Variants in PSEN2 observed in about 807,000 individuals in gnomAD.
PSEN2 encodes presenilin 2.
A neutral mutation model predicts 49.1 loss-of-function variants in PSEN2; 32 were observed. The observed-to-expected ratio is 0.65, with a 90% confidence interval of 0.49 to 0.88. The LOEUF (loss-of-function observed/expected upper bound fraction) is 0.88. PSEN2 is among the 40% of genes least tolerant of loss of function. PSEN2 has a pLI of 0.00. For missense variants in PSEN2, 522 were observed against 586.9 expected (o/e 0.89, Z 1.14); for synonymous variants, 255 against 244.0 (o/e 1.05, Z -0.42).
intron 9 of PSEN2, 90 bp downstream of exon 9, chr1:226,890,223 G>C: frequency 1.8e-6 from 2 of 1,117,790 alleles, no homozygotes; most frequent in Non-Finnish European, 2.7e-6. Flanking sequence ...GTGGCTTTCA[G>C]AGTTGACTGG....
chr1:226,901,516 G>A (rs112710884), downstream of PSEN2, among the ~76,000 whole-genome samples: 1,664 of 151,640 alleles, frequency 0.011, 27 homozygotes, highest in African/African-American at 0.038. Flanking sequence ...GAGCCCAGGA[G>A]TTTAAGACCA....
chr1:226,889,235 C>A (rs566913583), intron 8 of PSEN2, among the ~76,000 whole-genome samples, 186 bp downstream of exon 8: 2 of 152,080 alleles, frequency 1.3e-5, no homozygotes, highest in South Asian at 4.2e-4. Context: ...CTGGAACACT[C>A]CTGGTGGTCT....
chr1:226,884,868 C>T (rs917607770), intron 5 of PSEN2, among the ~76,000 whole-genome samples: 2 of 152,192 alleles, frequency 1.3e-5, no homozygotes, highest in South Asian at 2.1e-4. Flanking sequence ...GCCATGATTG[C>T]GCCACTGCAC....
chr1:226,894,110 C>T lies in PSEN2; in HGVS notation c.1176C>T (p.Phe392=), dbSNP rs115652716. 9.3e-4 allele frequency: 1,508 copies of T among 1,613,984 alleles called. 10 individuals are homozygous for T. In the African/African-American group the frequency reaches 0.017, roughly 18 times the overall value. ...SGDWNTTLAC[F]VAILIGLCLT... is the part of the protein sequence containing the mutation. ...ACTGGAATACCACGCTGGCCTGCTTCGTGGCCATCCTCATTGTGAGTGGCT... is the reference window on the plus strand; with the variant it reads ...ACTGGAATACCACGCTGGCCTGCTTTGTGGCCATCCTCATTGTGAGTGGCT... Residue 392 remains phenylalanine (F), a synonymous_variant, in exon 12 of 13, where the codon TTC becomes TTT. Coordinates refer to ENST00000366783, the MANE Select transcript of PSEN2 (RefSeq NM_000447.3).
At chr1:226,892,058 C>T (rs556961523) in intron 11 of PSEN2, among the ~76,000 whole-genome samples, 5 of 152,302 alleles carry the variant, frequency 3.3e-5, no homozygotes, top group East Asian at 1.9e-4. Context: ...GTATGGGCCA[C>T]GTGCCCGTGC....
Position 226,882,001 on chromosome 1 carries a change from C to G in PSEN2, c.94C>G (p.Gln32Glu), listed in dbSNP as rs760011841. 2 of 1,613,970 alleles carry G rather than the reference C, an allele frequency of 1.2e-6. No homozygotes were observed. Among genetic ancestry groups the G allele is most frequent in the African/African-American group, 2.7e-5 (2 of 74,938 alleles). Residue 32 changes from glutamine (Q) to glutamate (E), a missense_variant, in exon 4 of 13, where the codon CAG (glutamine) becomes GAG (glutamate). Physicochemically the swap from Gln to Glu is conservative, Grantham distance 29. Transcript: ENST00000366783. ...TGAGAGCCCCACGCCGCGCTCCTGCCAGGAGGGCAGGCAGGGCCCAGAGGA... is the reference window on the plus strand; with the variant it reads ...TGAGAGCCCCACGCCGCGCTCCTGCGAGGAGGGCAGGCAGGGCCCAGAGGA... ...SAESPTPRSCQEGRQGPEDGE... is the reference protein window; with the variant it reads ...SAESPTPRSCEEGRQGPEDGE...
At chr1:226,892,534 C>A (rs938036810) in intron 11 of PSEN2, among the ~76,000 whole-genome samples, 2 of 152,210 alleles carry the variant, frequency 1.3e-5, no homozygotes, top group Admixed American at 1.3e-4. Flanking sequence ...ACTGTCGTAA[C>A]AGCCCCTGCC....
chr1:226,884,207 G>A (rs1484588984), intron 5 of PSEN2, among the ~76,000 whole-genome samples: 2 of 152,226 alleles, frequency 1.3e-5, no homozygotes, highest in Non-Finnish European at 2.9e-5. Context: ...GAAGGGCTTA[G>A]AAGAGTGTCT....
At chr1:226,899,542 G>T (rs16846644), downstream of PSEN2, 39,800 of 152,130 alleles carry the variant, frequency 0.26, 5,495 homozygotes, top group African/African-American at 0.34. Context: ...TTCCTGAGAT[G>T]CTAGAGGCAG....
chr1:226,873,759 A>G (rs1358899899), intron 2 of PSEN2, among the ~76,000 whole-genome samples: 1 of 152,172 alleles, frequency 6.6e-6, no homozygotes, highest in Non-Finnish European at 1.5e-5. Context: ...CACTGTTCAC[A>G]TATGCATATT....
At chr1:226,890,937 G>A (rs1199123627) in intron 9 of PSEN2, 7 of 334,252 alleles carry the variant, frequency 2.1e-5, no homozygotes, top group South Asian at 1.4e-4. Flanking sequence ...GGCGCATTCC[G>A]AGGATGAGCG....
chr1:226,882,879 GTCT>G (rs1192098415), intron 4 of PSEN2, among the ~76,000 whole-genome samples: 3 of 152,312 alleles, frequency 2.0e-5, no homozygotes, highest in South Asian at 4.1e-4. Flanking sequence ...TTCATGAGTA[GTCT>G]TCTTTCTTGG....
In PSEN2 at chr1:226,882,106, A is replaced by G. The variant is rs116171245; in HGVS notation, c.141+58A>G. 2,855 of 1,596,954 alleles carry G rather than the reference A, an allele frequency of 1.8e-3. 37 individuals are homozygous for G. In the African/African-American group the frequency reaches 0.033, roughly 18 times the overall value. On this transcript the variant is annotated intron_variant, in intron 4 of 12. Transcript: ENST00000366783. ...CAGGTCCCTGCGGCTACTGTACCTT[A>G]CAGATGAAAACCAGACATTCATTCC...
chr1:226,877,857 T>G (rs1287845609), intron 3 of PSEN2, among the ~76,000 whole-genome samples: 1 of 152,166 alleles, frequency 6.6e-6, no homozygotes, highest in Non-Finnish European at 1.5e-5. Context: ...TGTCAGGTCT[T>G]GATGAGACCG....
At chr1:226,900,349 T>C (rs1282897527), downstream of PSEN2, among the ~76,000 whole-genome samples, 2 of 152,124 alleles carry the variant, frequency 1.3e-5, no homozygotes, top group African/African-American at 2.4e-5. Context: ...GAGGTGCAGA[T>C]CCATGTGCAC....
chr1:226,888,086 T>C lies in PSEN2; in HGVS notation c.499-5T>C, dbSNP rs1167854823. 6.2e-7 allele frequency: 1 copy of C among 1,612,848 alleles called. No homozygotes were observed. Among genetic ancestry groups the C allele is most frequent in the South Asian group, 1.1e-5 (1 of 91,062 alleles). Reference sequence around the variant, plus strand: ...CCTTGTGATCGTGCAATTTCTGTTGTCTAGTTCATCCATGGCTGGTTGATC... The same window carrying C: ...CCTTGTGATCGTGCAATTTCTGTTGCCTAGTTCATCCATGGCTGGTTGATC... On this transcript the variant is annotated splice_region_variant and splice_polypyrimidine_tract_variant and intron_variant, in intron 6 of 12. Transcript: ENST00000366783.
At chr1:226,902,523 A>G (rs1159246911) in intron 12 of PSEN2, among the ~76,000 whole-genome samples, 2 of 152,196 alleles carry the variant, frequency 1.3e-5, no homozygotes, top group Non-Finnish European at 2.9e-5. Context: ...CAGGCTCAAC[A>G]GTACCTGATC....
At chr1:226,899,338 C>T (rs1354710942), downstream of PSEN2, 4 of 152,142 alleles carry the variant, frequency 2.6e-5, no homozygotes, top group African/African-American at 9.7e-5. Context: ...GTTTACTGAA[C>T]AGTCTCTCCT....
chr1:226,892,910 A>G (rs1017184019), intron 11 of PSEN2, among the ~76,000 whole-genome samples: 2 of 152,140 alleles, frequency 1.3e-5, no homozygotes, highest in African/African-American at 4.8e-5. Flanking sequence ...AAAGCACTAC[A>G]CTTAAAATTG....
Sources: gnomAD v4.1 joint callset for allele counts (sites outside exome capture counted in the v4.1 genomes callset) on GRCh38, gnomAD v4.1.1 for gene constraint, MANE v1.5 for transcripts, NCBI Gene and HGNC (gene_info 2026-07-23, HGNC 2026-07-21) for gene names.